FER: variants seen among roughly 807,000 people sequenced by gnomAD.
FER encodes tyrosine-protein kinase Fer.
A neutral mutation model predicts 111.0 loss-of-function variants in FER; 63 were observed. The ratio of observed to expected loss-of-function variants is 0.57; its 90% CI spans 0.46 to 0.70. FER has a LOEUF of 0.70. FER is among the 30% of genes least tolerant of loss of function. The pLI is 0.00. For synonymous variants in FER, 327 were observed against 313.9 expected, an observed-to-expected ratio of 1.04 and a Z score of -0.44; for missense variants, 914 against 954.0, an observed-to-expected ratio of 0.96 and a Z score of 0.55.
At position 109,064,824 on chromosome 5, in the gene FER, A is replaced by G. The variant is rs558830371; in HGVS notation, c.1924+17626A>G. On this transcript the variant is annotated intron_variant, in intron 16 of 19. Transcript: ENST00000281092. ...GTGTAGGAGTTATGAATACATATGT[A>G]TCCTTCCACATGAATGAACATTTCT... Among the ~76,000 whole-genome samples the G allele has an allele frequency of 7.0e-4, 106 of 152,302 alleles. 2 individuals carry two copies. In the South Asian group the frequency reaches 0.021, roughly 30 times the overall value.
At chr5:108,796,714 T>C (rs1190862400) in intron 2 of FER, among the ~76,000 whole-genome samples, 3 of 151,996 alleles carry the variant, frequency 2.0e-5, no homozygotes, top group African/African-American at 4.8e-5. Flanking sequence ...GGCCCAAGTT[T>C]CCTTCAGTCA....
intron 10 of FER, among the ~76,000 whole-genome samples, chr5:108,912,783 G>A (rs969422391): frequency 6.6e-6 from 1 of 152,292 alleles, no homozygotes; most frequent in Non-Finnish European, 1.5e-5. Context: ...AAAAATTTGG[G>A]GGGTATTACC....
At position 109,073,990 on chromosome 5, in the gene FER, A is replaced by G. The variant is rs75553562; in HGVS notation, c.1925-26406A>G. Among the ~76,000 whole-genome samples the G allele has an allele frequency of 9.8e-3, 1,486 of 152,210 alleles. 19 individuals carry two copies. The highest frequency in any genetic ancestry group is 0.034 in the African/African-American group (1,419 of 41,554). On this transcript the variant is annotated intron_variant, in intron 16 of 19. Transcript: ENST00000281092. The stretch of plus-strand genomic sequence containing the variant: ...TAAAAATTTTACACTTTTCTTTCGT[A>G]TCTTATAAACACTTATCCTGTCTTA...
At chr5:109,098,974 A>T (rs1216572105) in intron 16 of FER, among the ~76,000 whole-genome samples, 2 of 151,642 alleles carry the variant, frequency 1.3e-5, no homozygotes, top group East Asian at 3.8e-4. Context: ...GGAAAAAGCC[A>T]CTAAGTCTTC....
At chr5:109,105,553 G>A (rs1035538457) in intron 17 of FER, among the ~76,000 whole-genome samples, 11 of 151,994 alleles carry the variant, frequency 7.2e-5, no homozygotes, top group African/African-American at 2.2e-4. Context: ...TCTGTCACTC[G>A]TGATCTACCA....
intron 9 of FER, among the ~76,000 whole-genome samples, chr5:108,897,301 A>G (rs1179553894): frequency 6.6e-6 from 1 of 152,126 alleles, no homozygotes; most frequent in Non-Finnish European, 1.5e-5. Context: ...TTGATACTTA[A>G]AGTAAATTTA....
intron 3 of FER, among the ~76,000 whole-genome samples, chr5:108,825,614 C>T (rs1056880792): frequency 3.9e-5 from 6 of 152,102 alleles, no homozygotes; most frequent in South Asian, 4.1e-4. Flanking sequence ...ACATCCTCCT[C>T]AGCTGACAGG....
chr5:109,129,761 G>A (rs79829772), intron 17 of FER, among the ~76,000 whole-genome samples: 4 of 152,058 alleles, frequency 2.6e-5, no homozygotes, highest in Middle Eastern at 3.4e-3. Flanking sequence ...TGTGTCAAAC[G>A]TCTTTAAAAA....
intron 11 of FER, among the ~76,000 whole-genome samples, chr5:108,947,312 T>C: frequency 6.6e-6 from 1 of 152,044 alleles, no homozygotes; most frequent in Non-Finnish European, 1.5e-5. Flanking sequence ...TACATTCCCA[T>C]TAGCAATATA....
chr5:109,177,025 G>C lies in FER; in HGVS notation c.2049-3722G>C, dbSNP rs187052860. Among the ~76,000 whole-genome samples the C allele has an allele frequency of 2.6e-3, 390 of 152,232 alleles. 2 individuals are homozygous for C. The highest frequency in any genetic ancestry group is 2.7e-3 in the Non-Finnish European group (183 of 68,008). ...TATAACAATGAGTCAAATGAAACTGGCAAAGTCTGATGGGAAACGTTTGGT... is the reference window on the plus strand; with the variant it reads ...TATAACAATGAGTCAAATGAAACTGCCAAAGTCTGATGGGAAACGTTTGGT... On this transcript the variant is annotated intron_variant, in intron 17 of 19. Coordinates refer to ENST00000281092, the MANE Select transcript of FER (RefSeq NM_005246.4).
At chr5:108,986,518 C>T (rs6886017) in intron 13 of FER, among the ~76,000 whole-genome samples, 8,895 of 151,948 alleles carry the variant, frequency 0.059, 398 homozygotes, top group South Asian at 0.12. Flanking sequence ...GAAGTCTTTG[C>T]CTAATCCAGT....
chr5:108,877,994 C>T (rs1437508011), intron 8 of FER, among the ~76,000 whole-genome samples: 1 of 152,090 alleles, frequency 6.6e-6, no homozygotes, highest in Non-Finnish European at 1.5e-5. Context: ...CAGCCTCTGC[C>T]TCCCACTTTC....
intron 10 of FER, among the ~76,000 whole-genome samples, chr5:108,904,944 C>T (rs1368331033): frequency 1.3e-5 from 2 of 151,902 alleles, no homozygotes; most frequent in Non-Finnish European, 2.9e-5. Context: ...GCTCTGACAC[C>T]TAAAGTATAT....
Position 109,187,691 on chromosome 5 carries a change from T to C in FER, c.*116T>C. On this transcript the variant is annotated 3_prime_UTR_variant, in exon 20 of 20. Coordinates refer to ENST00000281092, the MANE Select transcript of FER (RefSeq NM_005246.4). ...TACCTTCGACAGTCTTCTACCATTA[T>C]TTTTTATTAACTGGGTGTTTTAAAA... is the stretch of plus-strand genomic sequence containing the variant. The C allele has an allele frequency of 7.9e-7, 1 of 1,273,776 alleles. No individual in the cohort carries two copies. Among genetic ancestry groups the C allele is most frequent in the Non-Finnish European group, 1.1e-6 (1 of 927,782 alleles). The allele number at this position is 1,273,776 out of a possible 1,614,324, so 78.9% of individuals were successfully genotyped here.
At chr5:109,092,808 T>G (rs2150047860) in intron 16 of FER, among the ~76,000 whole-genome samples, 1 of 152,296 alleles carries the variant, frequency 6.6e-6, no homozygotes, top group East Asian at 1.9e-4. Flanking sequence ...ACGGTTACAC[T>G]TGTGTTCATT....
chr5:108,855,391 G>A (rs1247916897), intron 5 of FER, among the ~76,000 whole-genome samples: 1 of 152,098 alleles, frequency 6.6e-6, no homozygotes, highest in Non-Finnish European at 1.5e-5. Flanking sequence ...CCAGCACTTT[G>A]GGAGGCCGAG....
At position 109,006,945 on chromosome 5, in the gene FER, C is replaced by A. The variant is rs1765574980; in HGVS notation, c.1657-30477C>A. On this transcript the variant is annotated intron_variant, in intron 13 of 19. Transcript: ENST00000281092. ...GATAGAGGTTGTCTTCAGTTCTTTG[C>A]TTCAAAAGTTTACTTAACTTTGGTA... 2.0e-5 allele frequency among the ~76,000 whole-genome samples: 3 copies of A among 152,218 alleles called. No homozygotes were observed. The South Asian group carries it at 6.2e-4, about 32-fold the overall frequency.
chr5:109,135,880 CTCTTTGTAAAGCTTT>C lies in FER; in HGVS notation c.2048+35365_2048+35379del, dbSNP rs1752843830. Among the ~76,000 whole-genome samples, 4 of 152,104 alleles carry C rather than the reference CTCTTTGTAAAGCTTT, an allele frequency of 2.6e-5. No homozygotes were observed. In the South Asian group the frequency reaches 8.3e-4, roughly 31 times the overall value. On this transcript the variant is annotated intron_variant, in intron 17 of 19. Transcript: ENST00000281092. The stretch of plus-strand genomic sequence containing the variant: ...AAAACAGAAAAGAAAGCAAAAGCAA[CTCTTTGTAAAGCTTT>C]TCTGTATGACCTTACTTCCTTCTGC...
intron 5 of FER, among the ~76,000 whole-genome samples, chr5:108,867,459 G>T (rs990402277): frequency 2.6e-5 from 4 of 152,020 alleles, no homozygotes; most frequent in African/African-American, 7.2e-5. Context: ...GTGCACTGCT[G>T]TTTCAATTTG....
Sources: allele counts gnomAD v4.1 joint callset (sites outside exome capture counted in the v4.1 genomes callset), GRCh38; gene constraint gnomAD v4.1.1; transcripts MANE v1.5; gene names NCBI Gene and HGNC (gene_info 2026-07-23, HGNC 2026-07-21).